Variants in ZEB1 observed in about 807,000 individuals in gnomAD.
The protein encoded by ZEB1 is zinc finger E-box-binding homeobox 1.
Under a neutral mutation model 84.9 loss-of-function variants are expected in ZEB1, and 21 were observed. The observed-to-expected ratio is 0.25, with a 90% CI of 0.18 to 0.36. ZEB1 has a LOEUF of 0.36. ZEB1 is among the 10% of genes least tolerant of loss of function. ZEB1 has a pLI of 1.00. For synonymous variants in ZEB1, 420 were observed against 471.1 expected (o/e 0.89, Z 1.41); for missense variants, 1,104 against 1,330.2 (o/e 0.83, Z 2.65).
rs949325908 is a variant in ZEB1, at chr10:31,503,386, A to G, written c.484+877A>G. Among the ~76,000 whole-genome samples the G allele has an allele frequency of 4.6e-5, 7 of 152,144 alleles. No individual in the cohort carries two copies. In the East Asian group the frequency reaches 7.7e-4, roughly 17 times the overall value. ...ATAAAGCATTTTGAAGTATTCTGTC[A>G]TATCAGCGACATTTGTTTACATATT... On this transcript the variant is annotated intron_variant, in intron 4 of 8. Transcript: ENST00000424869.
At chr10:31,388,436 C>G (rs752022093) in intron 1 of ZEB1, among the ~76,000 whole-genome samples, 3 of 152,020 alleles carry the variant, frequency 2.0e-5, no homozygotes, top group Non-Finnish European at 4.4e-5. Context: ...GATAATTTTT[C>G]AAAACCGTTG....
At chr10:31,417,821 A>T (rs2055477461) in intron 1 of ZEB1, among the ~76,000 whole-genome samples, 1 of 152,064 alleles carries the variant, frequency 6.6e-6, no homozygotes, top group Non-Finnish European at 1.5e-5. Context: ...TTGAACATCT[A>T]CTATGTTCCA....
chr10:31,499,995 G>T (rs2067882912), intron 3 of ZEB1, among the ~76,000 whole-genome samples: 1 of 151,904 alleles, frequency 6.6e-6, no homozygotes, highest in African/African-American at 2.4e-5. Context: ...AGATCATGCA[G>T]TTCTGAAAAG....
chr10:31,328,429 A>G (rs1287838483), intron 1 of ZEB1, among the ~76,000 whole-genome samples: 1 of 152,208 alleles, frequency 6.6e-6, no homozygotes, highest in Non-Finnish European at 1.5e-5. Context: ...TAAGTTTTCA[A>G]CACATGTTCA....
At chr10:31,471,863 C>G (rs1456943338) in intron 2 of ZEB1, among the ~76,000 whole-genome samples, 3 of 146,108 alleles carry the variant, frequency 2.1e-5, no homozygotes, top group Admixed American at 6.6e-5. Context: ...CAAACTATCT[C>G]TCAGACCACA....
chr10:31,330,125 A>G (rs1041601512), intron 1 of ZEB1, among the ~76,000 whole-genome samples: 3 of 152,062 alleles, frequency 2.0e-5, no homozygotes, highest in Non-Finnish European at 2.9e-5. Flanking sequence ...GATCTTCAGG[A>G]TTTCTCCCAT....
At chr10:31,331,531 G>A (rs945822570) in intron 1 of ZEB1, among the ~76,000 whole-genome samples, 1 of 152,196 alleles carries the variant, frequency 6.6e-6, no homozygotes, top group Non-Finnish European at 1.5e-5. Flanking sequence ...CCCTGAAGAT[G>A]AGAGATGTAG....
At chr10:31,431,872 G>A (rs572150276) in intron 1 of ZEB1, among the ~76,000 whole-genome samples, 8 of 152,214 alleles carry the variant, frequency 5.3e-5, no homozygotes, top group East Asian at 3.9e-4. Flanking sequence ...TTATGAAAAC[G>A]TGAAATGAAG....
chr10:31,455,483 G>A (rs1048207448), intron 1 of ZEB1, among the ~76,000 whole-genome samples: 1 of 152,144 alleles, frequency 6.6e-6, no homozygotes, highest in Admixed American at 6.5e-5. Flanking sequence ...GCAACCTACA[G>A]AATGGGAGAA....
intron 1 of ZEB1, among the ~76,000 whole-genome samples, chr10:31,376,595 T>C (rs542963868): frequency 6.6e-6 from 1 of 151,844 alleles, no homozygotes; most frequent in African/African-American, 2.4e-5. Context: ...GAAGTTGGGC[T>C]CCAGAGTCAT....
At chr10:31,385,244 T>A (rs1000357022) in intron 1 of ZEB1, among the ~76,000 whole-genome samples, 1 of 152,214 alleles carries the variant, frequency 6.6e-6, no homozygotes, top group African/African-American at 2.4e-5. Flanking sequence ...ACCTGTTTTC[T>A]TACTGTGGTT....
chr10:31,474,946 T>G (rs1023439230), intron 2 of ZEB1, among the ~76,000 whole-genome samples: 9 of 151,612 alleles, frequency 5.9e-5, no homozygotes, highest in Non-Finnish European at 1.3e-4. Flanking sequence ...TCATTCTCAG[T>G]AAACTATCGC....
intron 2 of ZEB1, among the ~76,000 whole-genome samples, chr10:31,474,715 A>G (rs2063810789): frequency 6.6e-6 from 1 of 152,322 alleles, no homozygotes; most frequent in East Asian, 1.9e-4. Context: ...TACTGGGTAT[A>G]TACCCAAAGG....
chr10:31,432,134 A>G (rs1001530764), intron 1 of ZEB1, among the ~76,000 whole-genome samples: 15 of 152,360 alleles, frequency 9.8e-5, no homozygotes, highest in African/African-American at 3.4e-4. Context: ...CTACCTTCAG[A>G]ATATAGTATA....
At chr10:31,511,548 G>A (rs1404749310) in intron 5 of ZEB1, among the ~76,000 whole-genome samples, 1 of 152,154 alleles carries the variant, frequency 6.6e-6, no homozygotes, top group East Asian at 1.9e-4. Flanking sequence ...TTTATCAGTT[G>A]TTCCTCTTTT....
At chr10:31,340,068 G>A (rs562324175) in intron 1 of ZEB1, among the ~76,000 whole-genome samples, 8 of 152,250 alleles carry the variant, frequency 5.3e-5, no homozygotes, top group African/African-American at 1.9e-4. Flanking sequence ...AATATTTCTT[G>A]ATTGTATCTT....
intron 1 of ZEB1, among the ~76,000 whole-genome samples, chr10:31,373,515 AT>A (rs2046087231): frequency 6.6e-6 from 1 of 151,862 alleles, no homozygotes; most frequent in African/African-American, 2.4e-5. Flanking sequence ...CTTCTAAAAA[AT>A]TTGTACTAAA....
chr10:31,440,808 T>G (rs2058853586), intron 1 of ZEB1, among the ~76,000 whole-genome samples: 1 of 152,154 alleles, frequency 6.6e-6, no homozygotes, highest in Admixed American at 6.5e-5. Context: ...CATTCACAAT[T>G]GCTTCAAAGA....
At chr10:31,492,153 G>A (rs1197427063) in intron 2 of ZEB1, among the ~76,000 whole-genome samples, 1 of 151,856 alleles carries the variant, frequency 6.6e-6, no homozygotes, top group African/African-American at 2.4e-5. Flanking sequence ...TAGGCAGAGG[G>A]AGCAACTTCA....
Sources: allele counts gnomAD v4.1 joint callset (sites outside exome capture counted in the v4.1 genomes callset), GRCh38; gene constraint gnomAD v4.1.1; transcripts MANE v1.5; gene names NCBI Gene and HGNC (gene_info 2026-07-23, HGNC 2026-07-21).